The following PDS5A variants were observed in gnomAD, a reference collection of about 807,000 sequenced individuals.
PDS5A encodes the protein PDS5 cohesin associated factor A.
PDS5A carries 42 observed loss-of-function variants against 167.1 expected under a neutral mutation model. The ratio of observed to expected loss-of-function variants is 0.25; its 90% CI spans 0.20 to 0.33. The LOEUF (loss-of-function observed/expected upper bound fraction) is 0.33, where lower values mean the gene tolerates loss of function less well. Ranked by LOEUF, PDS5A falls within the 10% of genes least tolerant of loss-of-function variation. The pLI is 1.00. For synonymous variants in PDS5A, 553 were observed against 554.6 expected, an observed-to-expected ratio of 1.00 and a Z score of 0.04; for missense variants, 1,033 against 1,605.9, an observed-to-expected ratio of 0.64 and a Z score of 6.10.
intron 32 of PDS5A, among the ~76,000 whole-genome samples, chr4:39,826,404 G>C (rs58726937): frequency 0.033 from 5,013 of 152,000 alleles, 204 homozygotes; most frequent in East Asian, 0.22. Context: ...AGTGCATTCT[G>C]GTTTGTCTGT....
At chr4:39,931,096 C>A (rs541548848) in intron 2 of PDS5A, among the ~76,000 whole-genome samples, 1 of 151,988 alleles carries the variant, frequency 6.6e-6, no homozygotes, top group East Asian at 1.9e-4. Flanking sequence ...TCGCTTGAGC[C>A]CAGCAGTTCC....
chr4:39,830,514 C>G (rs899620048), intron 32 of PDS5A, among the ~76,000 whole-genome samples: 1 of 152,156 alleles, frequency 6.6e-6, no homozygotes, highest in African/African-American at 2.4e-5. Flanking sequence ...AACCTCCAAC[C>G]TCCCAGGTTT....
chr4:39,831,196 C>T lies in PDS5A; in HGVS notation c.4011-5708G>A, dbSNP rs1295987055. Among the ~76,000 whole-genome samples, 6 of 152,172 alleles carry T rather than the reference C, an allele frequency of 3.9e-5. No individual in the cohort carries two copies. In the East Asian group the frequency reaches 7.7e-4, roughly 20 times the overall value. On this transcript the variant is annotated intron_variant, in intron 32 of 32. Transcript: ENST00000303538. ...CTCCGCCTCCCAAGTTCAATTGCCT[C>T]CTGGCAATTCTTCTGCCTCAGCCTA...
chr4:39,923,765 T>C (rs1276602923), intron 5 of PDS5A, among the ~76,000 whole-genome samples: 1 of 151,466 alleles, frequency 6.6e-6, no homozygotes, highest in East Asian at 1.9e-4. Context: ...AAGTATACAA[T>C]AATAAAGGCA....
At chr4:39,948,649 G>A (rs1420480771) in intron 2 of PDS5A, among the ~76,000 whole-genome samples, 3 of 136,470 alleles carry the variant, frequency 2.2e-5, no homozygotes, top group African/African-American at 5.4e-5. Context: ...TTTAAAGACC[G>A]AGTCTCACTC....
At chr4:39,919,295 T>G (rs569715742) in intron 7 of PDS5A, among the ~76,000 whole-genome samples, 213 of 152,322 alleles carry the variant, frequency 1.4e-3, no homozygotes, top group African/African-American at 4.8e-3. Flanking sequence ...TTACAGTCAT[T>G]CTTATATATT....
chr4:39,881,148 T>TA (rs1394618608), intron 17 of PDS5A, among the ~76,000 whole-genome samples: 3 of 152,218 alleles, frequency 2.0e-5, no homozygotes, highest in South Asian at 2.1e-4. Context: ...TTCTTTTTTT[T>TA]ATGGCCGAAT....
chr4:39,931,060 C>A (rs1010906689), intron 2 of PDS5A, among the ~76,000 whole-genome samples: 5 of 152,140 alleles, frequency 3.3e-5, no homozygotes, highest in African/African-American at 7.2e-5. Context: ...GTAATCCCAG[C>A]ACTTTGGGAG....
chr4:39,868,765 A>G (rs1156384172), intron 22 of PDS5A: 3 of 442,996 alleles, frequency 6.8e-6, no homozygotes, highest in South Asian at 4.8e-5. Context: ...AAACAAATCA[A>G]AGTATTATTT....
At chr4:39,868,518 G>C (rs1055283856) in intron 22 of PDS5A, among the ~76,000 whole-genome samples, 1 of 152,136 alleles carries the variant, frequency 6.6e-6, no homozygotes, top group Non-Finnish European at 1.5e-5. Flanking sequence ...TAGTAGACAA[G>C]GGGTTTCACC....
intron 11 of PDS5A, among the ~76,000 whole-genome samples, chr4:39,907,591 T>G (rs1022676172): frequency 2.4e-5 from 2 of 83,416 alleles, no homozygotes; most frequent in Admixed American, 1.5e-4. Flanking sequence ...TTTTCTTTTC[T>G]TTTTTTTTTT....
chr4:39,866,384 T>C (rs1719455811), intron 23 of PDS5A, among the ~76,000 whole-genome samples: 1 of 152,214 alleles, frequency 6.6e-6, no homozygotes, highest in Non-Finnish European at 1.5e-5. Flanking sequence ...CCCAAAATGC[T>C]GGGATTACAG....
At chr4:39,948,833 C>T (rs1458752667) in intron 2 of PDS5A, among the ~76,000 whole-genome samples, 1 of 151,990 alleles carries the variant, frequency 6.6e-6, no homozygotes, top group Non-Finnish European at 1.5e-5. Flanking sequence ...CCATGTTGGC[C>T]AGGCTGGTCT....
chr4:39,923,018 T>C (rs1375807811), intron 5 of PDS5A, among the ~76,000 whole-genome samples: 1 of 152,114 alleles, frequency 6.6e-6, no homozygotes, highest in African/African-American at 2.4e-5. Flanking sequence ...TTTTCTTCCA[T>C]TCACTTTTTT....
At chr4:39,951,471 AC>A (rs769936275) in intron 2 of PDS5A, among the ~76,000 whole-genome samples, 1 of 152,208 alleles carries the variant, frequency 6.6e-6, no homozygotes, top group Non-Finnish European at 1.5e-5. Flanking sequence ...ACTTGCACTT[AC>A]ACAAATTTCA....
chr4:39,933,207 A>G (rs530175546), intron 2 of PDS5A: 1 of 152,496 alleles, frequency 6.6e-6, no homozygotes, highest in East Asian at 1.9e-4. Context: ...TGAATGACCC[A>G]GATCAGTTTG....
rs1045378542 is a variant in PDS5A, at chr4:39,940,426, A to T, written c.139-12262T>A. ...TTATACGTATATTCACTTTGTGGTTACTTATTAAACTGCATTTGTTTTATG... is the reference window on the plus strand; with the variant it reads ...TTATACGTATATTCACTTTGTGGTTTCTTATTAAACTGCATTTGTTTTATG... On this transcript the variant is annotated intron_variant, in intron 2 of 32. Transcript: ENST00000303538. Among the ~76,000 whole-genome samples the T allele has an allele frequency of 2.0e-5, 3 of 152,234 alleles. No individual in the cohort carries two copies. In the East Asian group the frequency reaches 5.8e-4, roughly 29 times the overall value.
At chr4:39,932,010 G>A (rs1056204473) in intron 2 of PDS5A, among the ~76,000 whole-genome samples, 1 of 151,698 alleles carries the variant, frequency 6.6e-6, no homozygotes, top group African/African-American at 2.4e-5. Context: ...TTCTGCCTCA[G>A]CCTCCCAAGT....
intron 26 of PDS5A, among the ~76,000 whole-genome samples, chr4:39,850,952 G>A (rs1037383081): frequency 2.0e-5 from 3 of 152,196 alleles, no homozygotes; most frequent in Non-Finnish European, 2.9e-5. Flanking sequence ...ATGATACTCT[G>A]TAAAAGCTTC....
Sources: allele counts gnomAD v4.1 joint callset (sites outside exome capture counted in the v4.1 genomes callset), GRCh38; gene constraint gnomAD v4.1.1; transcripts MANE v1.5; gene names NCBI Gene and HGNC (gene_info 2026-07-23, HGNC 2026-07-21).